LMX1A: variants seen among roughly 807,000 people sequenced by gnomAD.
LMX1A encodes LIM homeobox transcription factor 1-alpha.
Under a neutral mutation model 49.1 loss-of-function variants are expected in LMX1A, and 15 were observed. That is an observed-to-expected ratio of 0.31 (90% CI 0.20 to 0.47). The LOEUF is 0.47. Among genes scored for constraint, LMX1A ranks in the 20% least tolerant of loss-of-function variants. LMX1A has a pLI of 1.00. For synonymous variants in LMX1A, 167 were observed against 185.7 expected (o/e 0.90, Z 0.82); for missense variants, 372 against 475.8 (o/e 0.78, Z 2.03).
At chr1:165,350,173 CAAAAAAAAA>C (rs60150264) in intron 3 of LMX1A, among the ~76,000 whole-genome samples, 9,298 of 81,054 alleles carry the variant, frequency 0.11, 435 homozygotes, top group South Asian at 0.26. Context: ...AAAGATCCAC[CAAAAAAAAA>C]AAAAAAAAAA....
At chr1:165,333,090 A>G (rs1439803033) in intron 3 of LMX1A, among the ~76,000 whole-genome samples, 7 of 152,166 alleles carry the variant, frequency 4.6e-5, no homozygotes, top group African/African-American at 1.4e-4. Flanking sequence ...TAATTACATG[A>G]TACAGAGTCT....
intron 3 of LMX1A, among the ~76,000 whole-genome samples, chr1:165,276,195 G>A (rs554802083): frequency 6.6e-6 from 1 of 152,192 alleles, no homozygotes; most frequent in Non-Finnish European, 1.5e-5. Context: ...CTGGATCACC[G>A]CATATTTTGG....
At chr1:165,279,047 A>G (rs572140654) in intron 3 of LMX1A, among the ~76,000 whole-genome samples, 4 of 152,314 alleles carry the variant, frequency 2.6e-5, no homozygotes, top group Admixed American at 1.3e-4. Context: ...ATTTTGGAGG[A>G]GTCCAAAATT....
At chr1:165,287,212 C>T (rs559810243) in intron 3 of LMX1A, among the ~76,000 whole-genome samples, 5 of 152,214 alleles carry the variant, frequency 3.3e-5, no homozygotes, top group African/African-American at 9.6e-5. Context: ...CCACCTGATC[C>T]GGTCCAATCA....
At chr1:165,325,854 T>G (rs1303278945) in intron 3 of LMX1A, among the ~76,000 whole-genome samples, 4 of 152,184 alleles carry the variant, frequency 2.6e-5, no homozygotes, top group African/African-American at 7.2e-5. Context: ...ATCACTACTT[T>G]TACTATTATT....
chr1:165,220,259 C>T (rs572696039), intron 4 of LMX1A, among the ~76,000 whole-genome samples: 1 of 151,686 alleles, frequency 6.6e-6, no homozygotes, highest in Non-Finnish European at 1.5e-5. Context: ...TTAAGTTCTT[C>T]AGGCATAGTA....
At chr1:165,293,349 G>T (rs1002031880) in intron 3 of LMX1A, among the ~76,000 whole-genome samples, 1 of 152,124 alleles carries the variant, frequency 6.6e-6, no homozygotes, top group African/African-American at 2.4e-5. Flanking sequence ...ATAATATTTG[G>T]TCCTCAAAAT....
intron 3 of LMX1A, among the ~76,000 whole-genome samples, chr1:165,288,469 C>A (rs1244995247): frequency 2.0e-5 from 3 of 151,980 alleles, no homozygotes; most frequent in Admixed American, 6.6e-5. Flanking sequence ...GCTGTCTCCT[C>A]GGCAGCGGCT....
At chr1:165,239,011 A>G (rs1381697555) in intron 4 of LMX1A, among the ~76,000 whole-genome samples, 2 of 152,238 alleles carry the variant, frequency 1.3e-5, no homozygotes, top group Admixed American at 6.5e-5. Context: ...ATTTAAAGTA[A>G]TGCTTTGTGC....
At chr1:165,271,227 C>G (rs1379684521) in intron 3 of LMX1A, among the ~76,000 whole-genome samples, 1 of 152,090 alleles carries the variant, frequency 6.6e-6, no homozygotes, top group African/African-American at 2.4e-5. Context: ...CAATGAAGAA[C>G]CCCCTGGTCC....
At chr1:165,250,511 G>A (rs1027962783) in intron 3 of LMX1A, among the ~76,000 whole-genome samples, 1 of 152,110 alleles carries the variant, frequency 6.6e-6, no homozygotes, top group Admixed American at 6.5e-5. Flanking sequence ...GTGTAGTCTA[G>A]TTTTTGAGAA....
intron 3 of LMX1A, among the ~76,000 whole-genome samples, chr1:165,319,922 T>C (rs917092113): frequency 6.6e-6 from 1 of 152,220 alleles, no homozygotes; most frequent in African/African-American, 2.4e-5. Context: ...CATTACAACA[T>C]GGTAACTCTC....
chr1:165,258,518 A>G (rs1653322616), intron 3 of LMX1A, among the ~76,000 whole-genome samples: 2 of 152,138 alleles, frequency 1.3e-5, no homozygotes, highest in East Asian at 1.9e-4. Context: ...ATGGGAAACA[A>G]TAAGTGGCTG....
intron 3 of LMX1A, among the ~76,000 whole-genome samples, chr1:165,316,825 C>T (rs1259391868): frequency 6.6e-6 from 1 of 152,124 alleles, no homozygotes; most frequent in Non-Finnish European, 1.5e-5. Flanking sequence ...GTTGCAGCAA[C>T]ACCTCCCCAT....
At chr1:165,247,253 A>C (rs1178959307) in intron 4 of LMX1A, among the ~76,000 whole-genome samples, 1 of 151,986 alleles carries the variant, frequency 6.6e-6, no homozygotes, top group Non-Finnish European at 1.5e-5. Context: ...GTGAGAAAGC[A>C]CAGTATGTCC....
chr1:165,290,441 CGTGTGT>C (rs34305063), intron 3 of LMX1A, among the ~76,000 whole-genome samples: 3 of 149,872 alleles, frequency 2.0e-5, no homozygotes, highest in Non-Finnish European at 3.0e-5. Flanking sequence ...ACATTGCCTT[CGTGTGT>C]GTGTGTGTGT....
In LMX1A at chr1:165,327,977, A is replaced by G. The variant is rs906271324; in HGVS notation, c.263+25099T>C. On this transcript the variant is annotated intron_variant, in intron 3 of 8. Transcript: ENST00000342310. Reference sequence around the variant, plus strand: ...CAGGAAGGAACTTTAATGGAAAAATATTTCTATCTAATATGGAAACAAGGA... The same window carrying G: ...CAGGAAGGAACTTTAATGGAAAAATGTTTCTATCTAATATGGAAACAAGGA... 2.0e-5 allele frequency among the ~76,000 whole-genome samples: 3 copies of G among 152,240 alleles called. No individual in the cohort carries two copies. In the South Asian group the frequency reaches 6.2e-4, roughly 32 times the overall value.
chr1:165,213,342 C>T (rs944582725), intron 5 of LMX1A: 2 of 301,806 alleles, frequency 6.6e-6, no homozygotes, highest in African/African-American at 4.3e-5. Flanking sequence ...TCTGGGTCTA[C>T]ACCACAATGG....
At chr1:165,206,777 G>A (rs1325201712) in intron 7 of LMX1A, among the ~76,000 whole-genome samples, 1 of 152,150 alleles carries the variant, frequency 6.6e-6, no homozygotes, top group Non-Finnish European at 1.5e-5. Context: ...GCTGAGGGCA[G>A]AATTCAGATC....
Sources: allele counts gnomAD v4.1 joint callset (sites outside exome capture counted in the v4.1 genomes callset), GRCh38; gene constraint gnomAD v4.1.1; transcripts MANE v1.5; gene names NCBI Gene and HGNC (gene_info 2026-07-23, HGNC 2026-07-21).